The following DEPTOR variants were observed in gnomAD, a reference collection of about 807,000 sequenced individuals.
DEPTOR encodes DEP domain-containing mTOR-interacting protein.
Under a neutral mutation model 41.6 loss-of-function variants are expected in DEPTOR, and 41 were observed. The observed-to-expected ratio is 0.98, with a 90% CI of 0.77 to 1.28. The LOEUF (loss-of-function observed/expected upper bound fraction) is 1.28. Ranked by LOEUF, DEPTOR falls within the 50% of genes most tolerant of loss-of-function variation. The probability of loss-of-function intolerance (pLI) is 0.00; values close to 1 mark genes in which losing one functional copy is unlikely to be tolerated. For synonymous variants in DEPTOR, 195 were observed against 192.3 expected (o/e 1.01, Z -0.12); for missense variants, 514 against 527.9 (o/e 0.97, Z 0.26).
At chr8:119,971,869 A>T (rs1436219860) in intron 4 of DEPTOR, among the ~76,000 whole-genome samples, 1 of 152,150 alleles carries the variant, frequency 6.6e-6, no homozygotes, top group Non-Finnish European at 1.5e-5. Flanking sequence ...ACAACCAGCA[A>T]CATTGCAGAC....
intron 4 of DEPTOR, among the ~76,000 whole-genome samples, chr8:119,996,369 T>TA (rs1393900354): frequency 2.0e-5 from 3 of 152,226 alleles, no homozygotes; most frequent in Admixed American, 2.0e-4. Context: ...ATTGAGTACT[T>TA]ACAATGTATT....
chr8:119,901,708 G>A (rs1390786360), intron 1 of DEPTOR, among the ~76,000 whole-genome samples: 1 of 150,828 alleles, frequency 6.6e-6, no homozygotes, highest in Non-Finnish European at 1.5e-5. Flanking sequence ...CGAAAGATGT[G>A]ATAATTTCAC....
intron 4 of DEPTOR, among the ~76,000 whole-genome samples, chr8:119,967,096 T>C (rs1483746098): frequency 6.6e-6 from 1 of 151,922 alleles, no homozygotes; most frequent in Non-Finnish European, 1.5e-5. Flanking sequence ...TTTGTTTTTT[T>C]GAGATTGAGT....
rs191140686 is a variant in DEPTOR at position 119,901,649 on chromosome 8, C to G, written c.123-26751C>G. ...CGAGATTGTGCCACTGCACTCCAGCCTGGGCAACAGAGCAAGACTCTGTCT... is the reference window on the plus strand; with the variant it reads ...CGAGATTGTGCCACTGCACTCCAGCGTGGGCAACAGAGCAAGACTCTGTCT... On this transcript the variant is annotated intron_variant, in intron 1 of 8. Transcript: ENST00000286234. 3.4e-5 allele frequency among the ~76,000 whole-genome samples: 5 copies of G among 148,726 alleles called. No individual in the cohort carries two copies. The East Asian group carries it at 9.9e-4, about 29-fold the overall frequency.
At chr8:119,951,289 C>T (rs1828350651) in intron 3 of DEPTOR, among the ~76,000 whole-genome samples, 2 of 152,138 alleles carry the variant, frequency 1.3e-5, no homozygotes, top group African/African-American at 2.4e-5. Context: ...TAGAACCCAG[C>T]TTCCCTTGAC....
rs187568739 is a variant in DEPTOR at position 120,043,799 on chromosome 8, G to A, written c.1102-5777G>A. Among the ~76,000 whole-genome samples the A allele has an allele frequency of 9.2e-5, 14 of 152,086 alleles. No homozygotes were observed. The East Asian group carries it at 2.5e-3, about 27-fold the overall frequency. On this transcript the variant is annotated intron_variant, in intron 8 of 8. Coordinates refer to ENST00000286234, the MANE Select transcript of DEPTOR (RefSeq NM_022783.4). ...GGCTGAGGTGGGTGGATCACCTGAG[G>A]TCAGGAGTTCAAGACCAGCCTCGCC...
intron 1 of DEPTOR, among the ~76,000 whole-genome samples, chr8:119,927,008 C>A (rs774081677): frequency 5.3e-5 from 8 of 152,064 alleles, no homozygotes; most frequent in Non-Finnish European, 7.3e-5. Flanking sequence ...GGCTTTTGCT[C>A]AAAATATTTT....
chr8:119,948,925 T>C (rs2129919441), intron 3 of DEPTOR, among the ~76,000 whole-genome samples: 1 of 152,250 alleles, frequency 6.6e-6, no homozygotes, highest in South Asian at 2.1e-4. Context: ...ATAGCTGGGA[T>C]TACAGACATG....
intron 2 of DEPTOR, among the ~76,000 whole-genome samples, chr8:119,929,579 G>T (rs892859658): frequency 1.3e-5 from 2 of 152,124 alleles, no homozygotes; most frequent in African/African-American, 2.4e-5. Context: ...TGATGATGAT[G>T]ATGATGATGA....
rs1827314361 is a variant in DEPTOR at position 119,882,745 on chromosome 8, A to G, written c.122+8777A>G. Among the ~76,000 whole-genome samples the G allele has an allele frequency of 3.3e-5, 5 of 152,194 alleles. 1 individual carries two copies. The highest frequency in any genetic ancestry group is 3.3e-4 in the Admixed American group (5 of 15,266). ...TAGCTTTCATTTGAGTCAGGAGTTC[A>G]TTTCCCCTTCATTGGTGGCTCTTAA... On this transcript the variant is annotated intron_variant, in intron 1 of 8. Transcript: ENST00000286234.
In DEPTOR at chr8:119,955,151, C is replaced by G. The variant is rs1441198387; in HGVS notation, c.426-10081C>G. ...GGGATTACAGGCATGAGCCACTGCA[C>G]CCGGCCTCTATGATTGAATTTTAAG... On this transcript the variant is annotated intron_variant, in intron 3 of 8. Coordinates refer to ENST00000286234, the MANE Select transcript of DEPTOR (RefSeq NM_022783.4). Among the ~76,000 whole-genome samples the G allele has an allele frequency of 2.0e-5, 3 of 152,260 alleles. No homozygotes were observed. The South Asian group carries it at 6.2e-4, about 32-fold the overall frequency.
At chr8:119,947,205 G>A (rs984030498) in intron 3 of DEPTOR, among the ~76,000 whole-genome samples, 3 of 152,102 alleles carry the variant, frequency 2.0e-5, no homozygotes, top group African/African-American at 4.8e-5. Flanking sequence ...CTACCTCTCC[G>A]GAGCCATGGA....
At chr8:120,026,790 G>A (rs1812803976) in intron 8 of DEPTOR, among the ~76,000 whole-genome samples, 1 of 152,170 alleles carries the variant, frequency 6.6e-6, no homozygotes, top group Non-Finnish European at 1.5e-5. Flanking sequence ...TTCAGGGCTT[G>A]GCCCATCGGG....
intron 1 of DEPTOR, among the ~76,000 whole-genome samples, chr8:119,877,833 A>C (rs1399807825): frequency 6.6e-6 from 1 of 152,234 alleles, no homozygotes; most frequent in Non-Finnish European, 1.5e-5. Context: ...AAACTTTGTA[A>C]AATAAATCGA....
At chr8:119,921,949 T>C (rs1427128069) in intron 1 of DEPTOR, among the ~76,000 whole-genome samples, 1 of 151,590 alleles carries the variant, frequency 6.6e-6, no homozygotes, top group Non-Finnish European at 1.5e-5. Flanking sequence ...TATTTAAACA[T>C]AAATAGGCTG....
At chr8:119,978,120 C>G (rs1262315222) in intron 4 of DEPTOR, among the ~76,000 whole-genome samples, 2 of 152,178 alleles carry the variant, frequency 1.3e-5, no homozygotes, top group East Asian at 3.8e-4. Flanking sequence ...GTCCTGACAG[C>G]TCGTCACCCA....
At chr8:119,914,091 G>C (rs1350742610) in intron 1 of DEPTOR, among the ~76,000 whole-genome samples, 1 of 150,776 alleles carries the variant, frequency 6.6e-6, no homozygotes, top group African/African-American at 2.4e-5. Context: ...TGTCACCCAG[G>C]CTGGAGTGCA....
At chr8:119,894,437 C>A (rs1003140893) in intron 1 of DEPTOR, among the ~76,000 whole-genome samples, 1 of 120,630 alleles carries the variant, frequency 8.3e-6, no homozygotes, top group Admixed American at 9.6e-5. Flanking sequence ...CGCTCTGTTG[C>A]CCAGCCTGGA....
chr8:120,037,451 G>C (rs1812995715), intron 8 of DEPTOR, among the ~76,000 whole-genome samples: 2 of 152,174 alleles, frequency 1.3e-5, no homozygotes, highest in Non-Finnish European at 2.9e-5. Flanking sequence ...AGTGGAATTG[G>C]TAATGTCAGT....
Sources: allele counts gnomAD v4.1 joint callset (sites outside exome capture counted in the v4.1 genomes callset), GRCh38; gene constraint gnomAD v4.1.1; transcripts MANE v1.5; gene names NCBI Gene and HGNC (gene_info 2026-07-23, HGNC 2026-07-21).